Variants in PCDH9 observed in about 807,000 individuals in gnomAD.
PCDH9 encodes protocadherin-9.
A neutral mutation model predicts 70.6 loss-of-function variants in PCDH9; 24 were observed. The observed-to-expected ratio is 0.34, with a 90% confidence interval of 0.25 to 0.48. PCDH9 has a LOEUF of 0.48. Among genes scored for constraint, PCDH9 ranks in the 20% least tolerant of loss-of-function variants. The pLI is 0.99. For missense variants in PCDH9, 1,281 were observed against 1,503.6 expected, an observed-to-expected ratio of 0.85 and a Z score of 2.45; for synonymous variants, 562 against 558.5, an observed-to-expected ratio of 1.01 and a Z score of -0.09.
At chr13:67,025,863 A>C (rs762912692) in intron 2 of PCDH9, among the ~76,000 whole-genome samples, 66 of 152,286 alleles carry the variant, frequency 4.3e-4, no homozygotes, top group Non-Finnish European at 6.2e-4. Context: ...GGGCAAGTTA[A>C]AGCATATTTA....
At chr13:66,893,595 AT>A (rs1487818783) in intron 3 of PCDH9, among the ~76,000 whole-genome samples, 2 of 152,110 alleles carry the variant, frequency 1.3e-5, no homozygotes, top group African/African-American at 4.8e-5. Context: ...AGTATGAGCT[AT>A]TTTTTTGTCA....
At position 66,510,446 on chromosome 13, in the gene PCDH9, G is replaced by A. The variant is rs149727691; in HGVS notation, c.3340+120764C>T. 7.7e-3 allele frequency among the ~76,000 whole-genome samples: 1,172 copies of A among 151,948 alleles called. 11 individuals carry two copies. The highest frequency in any genetic ancestry group is 0.027 in the African/African-American group (1,135 of 41,406). On this transcript the variant is annotated intron_variant, in intron 4 of 4. Transcript: ENST00000377865. ...TACATATGTATACATGTGCCATGTT[G>A]GTGTGCTGCACCCATTAAGTCGTCA...
intron 3 of PCDH9, among the ~76,000 whole-genome samples, chr13:66,730,920 T>C (rs868652036): frequency 5.3e-4 from 69 of 130,350 alleles, no homozygotes; most frequent in African/African-American, 1.9e-3. Context: ...GACAGAGGTC[T>C]CACTATGCTG....
rs542478433 is a variant in PCDH9, at chr13:66,332,975, G to A, written c.3341-27947C>T. 4.6e-5 allele frequency among the ~76,000 whole-genome samples: 7 copies of A among 152,068 alleles called. No homozygotes were observed. In the South Asian group the frequency reaches 1.5e-3, roughly 32 times the overall value. On this transcript the variant is annotated intron_variant, in intron 4 of 4. Transcript: ENST00000377865. ...GAGTTTTACTCTCTTAGCATTTAAG[G>A]CATTATTTGCTCTCTTACATTGATG...
chr13:66,549,017 T>C (rs1159067100), intron 4 of PCDH9, among the ~76,000 whole-genome samples: 1 of 152,114 alleles, frequency 6.6e-6, no homozygotes, highest in Non-Finnish European at 1.5e-5. Context: ...CATACCACCA[T>C]AAGTGAGAGA....
chr13:66,483,654 G>A (rs1400064555), intron 4 of PCDH9, among the ~76,000 whole-genome samples: 2 of 152,212 alleles, frequency 1.3e-5, no homozygotes, highest in African/African-American at 4.8e-5. Context: ...TGATATGGGA[G>A]TGCTGGGAAG....
At chr13:66,616,292 A>C (rs2138885048) in intron 4 of PCDH9, among the ~76,000 whole-genome samples, 1 of 152,272 alleles carries the variant, frequency 6.6e-6, no homozygotes, top group Non-Finnish European at 1.5e-5. Flanking sequence ...ATCAAAGCCA[A>C]TCCAAAAGGC....
Position 67,228,142 on chromosome 13 carries a change from C to G in PCDH9, c.299G>C (p.Gly100Ala). The G allele has an allele frequency of 6.2e-7, 1 of 1,614,038 alleles. No individual in the cohort carries two copies. The highest frequency in any genetic ancestry group is 1.1e-5 in the South Asian group (1 of 91,064). The change falls in exon 2 of 5, where the codon GGC (glycine) becomes GCC (alanine). Residue 100 changes from glycine (G) to alanine (A), a missense_variant. Transcript: ENST00000377865. ...CTCATTCTCCTCAGCATATGAGGCG[C>G]CAGCACAGAGTTTTTCTCTGTCTAT... ...NRIDREKLCA[G>A]ASYAEENECF...
chr13:66,787,050 G>C (rs1321770768), intron 3 of PCDH9, among the ~76,000 whole-genome samples: 1 of 152,028 alleles, frequency 6.6e-6, no homozygotes, highest in African/African-American at 2.4e-5. Context: ...CAAAAATTTA[G>C]TCAAAAAACA....
chr13:66,344,092 A>G (rs1451566182), intron 4 of PCDH9, among the ~76,000 whole-genome samples: 3 of 152,120 alleles, frequency 2.0e-5, no homozygotes, highest in African/African-American at 4.8e-5. Context: ...CCTCATTAAT[A>G]TTGTCCAAAA....
At chr13:66,903,153 T>G (rs2082304862) in intron 3 of PCDH9, among the ~76,000 whole-genome samples, 1 of 151,904 alleles carries the variant, frequency 6.6e-6, no homozygotes, top group South Asian at 2.1e-4. Flanking sequence ...AGTTGTGCCT[T>G]TCTTTTAGTT....
At chr13:67,046,682 A>T (rs993009076) in intron 2 of PCDH9, among the ~76,000 whole-genome samples, 1 of 152,098 alleles carries the variant, frequency 6.6e-6, no homozygotes, top group Non-Finnish European at 1.5e-5. Context: ...AAATTGGTAT[A>T]TCAATGGTCT....
chr13:66,635,371 T>A (rs966326989), intron 3 of PCDH9, among the ~76,000 whole-genome samples: 3 of 152,290 alleles, frequency 2.0e-5, no homozygotes, highest in African/African-American at 7.2e-5. Context: ...AAGTAACTAC[T>A]AAGGCTTCCA....
intron 4 of PCDH9, among the ~76,000 whole-genome samples, chr13:66,429,566 G>C (rs1287214099): frequency 6.6e-6 from 1 of 151,840 alleles, no homozygotes; most frequent in South Asian, 2.1e-4. Flanking sequence ...TGAGTTTGAA[G>C]AGTACAAACG....
At chr13:67,036,902 G>T (rs2085020124) in intron 2 of PCDH9, among the ~76,000 whole-genome samples, 1 of 152,232 alleles carries the variant, frequency 6.6e-6, no homozygotes, top group African/African-American at 2.4e-5. Context: ...GATAGAAGCT[G>T]CTCCGGAGAA....
intron 2 of PCDH9, among the ~76,000 whole-genome samples, chr13:67,129,003 C>T (rs945200932): frequency 1.3e-5 from 2 of 152,190 alleles, no homozygotes; most frequent in African/African-American, 4.8e-5. Context: ...GTGATAACCA[C>T]TTGCCTACTG....
chr13:66,807,229 C>G (rs1260144988), intron 3 of PCDH9, among the ~76,000 whole-genome samples: 1 of 152,168 alleles, frequency 6.6e-6, no homozygotes, highest in Non-Finnish European at 1.5e-5. Context: ...TTTTGTCACT[C>G]CACCACCATT....
rs569159050 is a variant in PCDH9 at position 66,764,264 on chromosome 13, A to C, written c.3139-132853T>G. On this transcript the variant is annotated intron_variant, in intron 3 of 4. Coordinates refer to ENST00000377865, the MANE Select transcript of PCDH9 (RefSeq NM_203487.3). The stretch of plus-strand genomic sequence containing the variant: ...CATGTATGCACTGAAAAAAAAAAAA[A>C]CCGAAAACTTTAATTCTCATTCTGT... Among the ~76,000 whole-genome samples, 182 of 148,680 alleles carry C rather than the reference A, an allele frequency of 1.2e-3. 1 individual carries two copies. The highest frequency in any genetic ancestry group is 4.1e-3 in the African/African-American group (167 of 40,614).
chr13:66,767,920 C>T (rs2079744493), intron 3 of PCDH9, among the ~76,000 whole-genome samples: 1 of 152,110 alleles, frequency 6.6e-6, no homozygotes, highest in African/African-American at 2.4e-5. Context: ...TCTATGTCTA[C>T]TTCGTCTAGT....
Sources: allele counts gnomAD v4.1 joint callset (sites outside exome capture counted in the v4.1 genomes callset), GRCh38; gene constraint gnomAD v4.1.1; transcripts MANE v1.5; gene names NCBI Gene and HGNC (gene_info 2026-07-23, HGNC 2026-07-21).